TSPEAR: variants seen among roughly 807,000 people sequenced by gnomAD.
TSPEAR encodes thrombospondin type laminin G domain and EAR repeats.
TSPEAR carries 69 observed loss-of-function variants against 71.6 expected under a neutral mutation model. That is an observed-to-expected ratio of 0.96 (90% CI 0.79 to 1.18). The LOEUF is 1.18. TSPEAR is among the 50% of genes most tolerant of loss of function. The pLI is 0.00. For missense variants in TSPEAR, 971 were observed against 894.9 expected, an observed-to-expected ratio of 1.09 and a Z score of -1.09; for synonymous variants, 402 against 387.2, an observed-to-expected ratio of 1.04 and a Z score of -0.45.
chr21:44,700,570 G>A (rs571511894), intron 1 of TSPEAR, among the ~76,000 whole-genome samples: 2 of 152,222 alleles, frequency 1.3e-5, no homozygotes, highest in Non-Finnish European at 2.9e-5. Flanking sequence ...AGAAATTCAC[G>A]ATATCCATGA....
intron 2 of TSPEAR, among the ~76,000 whole-genome samples, chr21:44,534,461 T>G (rs2053053456): frequency 1.2e-5 from 1 of 85,642 alleles, no homozygotes; most frequent in Non-Finnish European, 2.4e-5. Flanking sequence ...GGGGCTGGTG[T>G]GTGAGGGGTG....
At chr21:44,528,779 A>G (rs1326923100) in intron 5 of TSPEAR, among the ~76,000 whole-genome samples, 196 bp from the exon 6 acceptor site, 1 of 152,232 alleles carries the variant, frequency 6.6e-6, no homozygotes, top group Non-Finnish European at 1.5e-5. Context: ...CCGGTGACGA[A>G]GGACATCATG....
chr21:44,518,464 C>G, intron 9 of TSPEAR: 1 of 379,916 alleles, frequency 2.6e-6, no homozygotes, highest in Non-Finnish European at 5.4e-6. Context: ...TGATAATCTC[C>G]AAAACGCACT....
intron 1 of TSPEAR, among the ~76,000 whole-genome samples, chr21:44,588,600 G>T (rs1171838823): frequency 6.6e-6 from 1 of 150,978 alleles, no homozygotes; most frequent in East Asian, 1.9e-4. Flanking sequence ...AGCACAATTC[G>T]CAATTGCAAA....
At chr21:44,654,286 G>T (rs781850300) in intron 1 of TSPEAR, 3 of 1,613,520 alleles carry the variant, frequency 1.9e-6, no homozygotes, top group Non-Finnish European at 2.5e-6. Context: ...TCAGCAGCCA[G>T]TGGGGGTGCT....
At chr21:44,644,291 C>A (rs1984184491) in intron 1 of TSPEAR, among the ~76,000 whole-genome samples, 1 of 152,188 alleles carries the variant, frequency 6.6e-6, no homozygotes, top group South Asian at 2.1e-4. Context: ...ACTGTACGTG[C>A]ACTGTGTGTG....
At chr21:44,649,077 C>T (rs1273646549) in intron 1 of TSPEAR, among the ~76,000 whole-genome samples, 1 of 152,230 alleles carries the variant, frequency 6.6e-6, no homozygotes, top group Non-Finnish European at 1.5e-5. Flanking sequence ...AAAGGCATCC[C>T]GTGAAACCAC....
chr21:44,516,656 A>C (rs1283842382), intron 9 of TSPEAR: 1 of 152,206 alleles, frequency 6.6e-6, no homozygotes, highest in South Asian at 2.1e-4. Flanking sequence ...CCCCAGAGCC[A>C]GGGGCCGGGC....
intron 1 of TSPEAR, among the ~76,000 whole-genome samples, chr21:44,597,556 C>T (rs587617351): frequency 6.6e-6 from 1 of 152,062 alleles, no homozygotes; most frequent in African/African-American, 2.4e-5. Flanking sequence ...CCTCAGCCTC[C>T]CAAGTAGCTG....
intron 1 of TSPEAR, among the ~76,000 whole-genome samples, chr21:44,645,526 G>A (rs1984273130): frequency 6.6e-6 from 1 of 151,828 alleles, no homozygotes. Context: ...CTAATTTTTT[G>A]TATTTTTAGT....
At chr21:44,654,806 A>G (rs1473593796) in intron 1 of TSPEAR, 2 of 563,276 alleles carry the variant, frequency 3.6e-6, no homozygotes, top group African/African-American at 3.7e-5. Flanking sequence ...TACTCAGTTC[A>G]GGAAACTCTT....
Position 44,524,971 on chromosome 21 carries a change from T to G in TSPEAR, c.1336+682A>C, listed in dbSNP as rs587595501. The stretch of plus-strand genomic sequence containing the variant: ...GTCAGTCAGTCACTCTTTGAGGCAG[T>G]CAGTCAGTCAGTCAGTCAGTGAGGC... On this transcript the variant is annotated intron_variant, in intron 8 of 11. Coordinates refer to ENST00000323084, the MANE Select transcript of TSPEAR (RefSeq NM_144991.3). 2.7e-5 allele frequency among the ~76,000 whole-genome samples: 4 copies of G among 147,150 alleles called. No individual in the cohort carries two copies. In the South Asian group the frequency reaches 6.3e-4, roughly 23 times the overall value.
At chr21:44,667,709 CCATG>C (rs1487574120) in intron 1 of TSPEAR, among the ~76,000 whole-genome samples, 1 of 152,188 alleles carries the variant, frequency 6.6e-6, no homozygotes, top group Admixed American at 6.5e-5. Flanking sequence ...CAGCAGAAAG[CCATG>C]TGCACCCTGT....
intron 2 of TSPEAR, among the ~76,000 whole-genome samples, chr21:44,543,406 A>G (rs1435840435): frequency 6.6e-6 from 1 of 152,246 alleles, no homozygotes; most frequent in African/African-American, 2.4e-5. Context: ...AAAGTCATGG[A>G]TTCATGTTAT....
intron 1 of TSPEAR, chr21:44,677,311 C>T: frequency 1.0e-6 from 1 of 956,982 alleles, no homozygotes; most frequent in Non-Finnish European, 1.7e-6. Flanking sequence ...TGCCACTTAG[C>T]AGACTTCTTC....
At chr21:44,541,321 G>T (rs1241813228) in intron 2 of TSPEAR, among the ~76,000 whole-genome samples, 4 of 152,218 alleles carry the variant, frequency 2.6e-5, no homozygotes, top group African/African-American at 9.7e-5. Context: ...CGATTCCATT[G>T]TGCCACCTTT....
intron 1 of TSPEAR, among the ~76,000 whole-genome samples, chr21:44,632,536 A>G (rs1189952281): frequency 6.6e-6 from 1 of 152,236 alleles, no homozygotes; most frequent in Non-Finnish European, 1.5e-5. Context: ...TTGAAGCCAT[A>G]TTAAGAAATA....
chr21:44,594,821 G>GCTTTT (rs1980249759), intron 1 of TSPEAR, among the ~76,000 whole-genome samples: 1 of 88,706 alleles, frequency 1.1e-5, no homozygotes, highest in African/African-American at 6.4e-5. Context: ...ACGGATCTGT[G>GCTTTT]ATTTTTTTTT....
intron 1 of TSPEAR, among the ~76,000 whole-genome samples, chr21:44,703,500 C>T (rs1555951836): frequency 6.6e-6 from 1 of 152,212 alleles, no homozygotes; most frequent in East Asian, 1.9e-4. Flanking sequence ...CTGTGCAGGG[C>T]CCTCTGCAGG....
Sources: gnomAD v4.1 joint callset for allele counts (sites outside exome capture counted in the v4.1 genomes callset) on GRCh38, gnomAD v4.1.1 for gene constraint, MANE v1.5 for transcripts, NCBI Gene and HGNC (gene_info 2026-07-23, HGNC 2026-07-21) for gene names.